TENT4A: variants seen among roughly 807,000 people sequenced by gnomAD.
The protein encoded by TENT4A is terminal nucleotidyltransferase 4A, also known as DNA polymerase kappa.
TENT4A carries 7 observed loss-of-function variants against 72.8 expected under a neutral mutation model. The observed-to-expected ratio is 0.10, with a 90% CI of 0.05 to 0.18. The LOEUF (loss-of-function observed/expected upper bound fraction) is 0.18, where lower values mean the gene tolerates loss of function less well. TENT4A is among the 10% of genes least tolerant of loss of function. The probability of loss-of-function intolerance (pLI) is 1.00; values close to 1 mark genes in which losing one functional copy is unlikely to be tolerated. For synonymous variants in TENT4A, 456 were observed against 434.3 expected (o/e 1.05, Z -0.62); for missense variants, 831 against 1,017.7 (o/e 0.82, Z 2.50).
chr5:6,718,114 TA>T (rs1435783595), intron 1 of TENT4A, among the ~76,000 whole-genome samples: 1 of 152,248 alleles, frequency 6.6e-6, no homozygotes, highest in Non-Finnish European at 1.5e-5. Flanking sequence ...TCTTGGTATT[TA>T]ATCTCATCCT....
At chr5:6,735,596 G>T (rs761392139) in intron 1 of TENT4A, among the ~76,000 whole-genome samples, 1 of 152,188 alleles carries the variant, frequency 6.6e-6, no homozygotes, top group African/African-American at 2.4e-5. Flanking sequence ...TGGTAGAAAA[G>T]TGTGTAGTTG....
chr5:6,732,046 C>T (rs575407961), intron 1 of TENT4A, among the ~76,000 whole-genome samples: 1 of 152,386 alleles, frequency 6.6e-6, no homozygotes, highest in East Asian at 1.9e-4. Context: ...AGTGCAGCTG[C>T]CTGTCCTTGG....
At chr5:6,746,999 G>T (rs1018554618) in intron 7 of TENT4A, among the ~76,000 whole-genome samples, 3 of 152,210 alleles carry the variant, frequency 2.0e-5, no homozygotes, top group Non-Finnish European at 2.9e-5. Flanking sequence ...GGCGTATTCA[G>T]GGGTATTTAT....
At chr5:6,723,998 G>A (rs997068359) in intron 1 of TENT4A, among the ~76,000 whole-genome samples, 1 of 152,232 alleles carries the variant, frequency 6.6e-6, no homozygotes, top group African/African-American at 2.4e-5. Flanking sequence ...TGAAAGACAA[G>A]GCAGGACTGG....
At chr5:6,742,624 C>G (rs190045354) in intron 5 of TENT4A, 27 bp downstream of exon 5, 36 of 1,384,256 alleles carry the variant, frequency 2.6e-5, no homozygotes, top group Admixed American at 3.3e-5. Context: ...CCCAGCGCGG[C>G]GAGAGTGCAG....
At chr5:6,727,163 T>G (rs1184008321) in intron 1 of TENT4A, among the ~76,000 whole-genome samples, 9 of 152,222 alleles carry the variant, frequency 5.9e-5, no homozygotes, top group Admixed American at 5.9e-4. Flanking sequence ...CTGGCTCCTG[T>G]GATCTTCCGT....
intron 5 of TENT4A, 58 bp downstream of exon 5, chr5:6,742,655 G>A: frequency 2.1e-6 from 2 of 965,654 alleles, no homozygotes; most frequent in Admixed American, 3.4e-5. Flanking sequence ...CTTGTGCTTG[G>A]TGGCATCCTA....
intron 1 of TENT4A, among the ~76,000 whole-genome samples, chr5:6,733,414 T>C (rs561288920): frequency 6.6e-6 from 1 of 152,400 alleles, no homozygotes; most frequent in African/African-American, 2.4e-5. Flanking sequence ...TGTGTCCTCC[T>C]GGTTCTGAGA....
intron 5 of TENT4A, among the ~76,000 whole-genome samples, chr5:6,743,224 C>G (rs183863957): frequency 2.6e-4 from 40 of 152,246 alleles, no homozygotes; most frequent in Admixed American, 1.6e-3. Context: ...CTTCAGGTTC[C>G]CCCTTCCCCC....
At chr5:6,728,068 TGGC>T (rs974348873) in intron 1 of TENT4A, among the ~76,000 whole-genome samples, 34 of 152,236 alleles carry the variant, frequency 2.2e-4, no homozygotes, top group African/African-American at 8.0e-4. Context: ...TCTGTCATCT[TGGC>T]GGGGGCCTCA....
At position 6,722,547 on chromosome 5, in the gene TENT4A, G is replaced by GTTTT. The variant is rs55840324; in HGVS notation, c.716+7866_716+7869dup. ...GTCTGTTCTAGTTTTGCATTTGTTA[G>GTTTT]TTTTTTTTTTTTTTTTTTTTTAACT... On this transcript the variant is annotated intron_variant, in intron 1 of 12. Coordinates refer to ENST00000230859, the MANE Select transcript of TENT4A (RefSeq NM_006999.6). Among the ~76,000 whole-genome samples, 570 of 123,198 alleles carry GTTTT rather than the reference G, an allele frequency of 4.6e-3. 7 individuals carry two copies. Among genetic ancestry groups the GTTTT allele is most frequent in the African/African-American group, 0.014 (454 of 31,904 alleles). 80.8% of individuals were successfully genotyped at this position (123,198 alleles called of 152,430 possible). A position where few individuals can be genotyped will look rare whatever the true frequency, so the allele number is the denominator to read the frequency against.
chr5:6,748,252 G>A lies in TENT4A; in HGVS notation c.1460-212G>A, dbSNP rs1742213035. On this transcript the variant is annotated intron_variant, in intron 7 of 12. Coordinates refer to ENST00000230859, the MANE Select transcript of TENT4A (RefSeq NM_006999.6). ...CAGACCAGTCCTCTCGGCACTCACA[G>A]ACTGTGCCCTGTGCATGGTGATTGA... Among the ~76,000 whole-genome samples the A allele has an allele frequency of 2.6e-5, 4 of 152,252 alleles. No individual in the cohort carries two copies. The South Asian group carries it at 8.3e-4, about 32-fold the overall frequency.
rs372057324 is a variant in TENT4A at position 6,752,853 on chromosome 5, G to T, written c.2020-20G>T. 50 of 1,604,446 alleles carry T rather than the reference G, an allele frequency of 3.1e-5. 1 individual carries two copies. In the South Asian group the frequency reaches 5.3e-4, roughly 17 times the overall value. The stretch of plus-strand genomic sequence containing the variant: ...TCTGATTGCTTTGGTACCCATGGCC[G>T]TCTCTCATTTTGTTCCTAGACCAGG... On this transcript the variant is annotated intron_variant, in intron 11 of 12. Coordinates refer to ENST00000230859, the MANE Select transcript of TENT4A (RefSeq NM_006999.6).
chr5:6,731,506 C>T (rs546617636), intron 1 of TENT4A, among the ~76,000 whole-genome samples: 12 of 151,376 alleles, frequency 7.9e-5, no homozygotes, highest in African/African-American at 2.9e-4. Flanking sequence ...CTTCAGAGTG[C>T]AGGTCCTCAT....
intron 3 of TENT4A, 41 bp from the exon 4 acceptor site, chr5:6,739,691 G>A (rs774556640): frequency 6.2e-7 from 1 of 1,610,974 alleles, no homozygotes; most frequent in Non-Finnish European, 8.5e-7. Flanking sequence ...TGTAGGCTGT[G>A]GCGAGGGGAG....
intron 1 of TENT4A, among the ~76,000 whole-genome samples, chr5:6,729,545 C>T (rs1485646218): frequency 1.3e-5 from 2 of 152,268 alleles, no homozygotes; most frequent in Non-Finnish European, 2.9e-5. Flanking sequence ...AGTTTCACAG[C>T]AGGCGCGGTT....
At chr5:6,732,039 G>A (rs556346005) in intron 1 of TENT4A, among the ~76,000 whole-genome samples, 2 of 152,344 alleles carry the variant, frequency 1.3e-5, no homozygotes, top group African/African-American at 4.8e-5. Flanking sequence ...CTACTGCAGT[G>A]CAGCTGCCTG....
Position 6,743,822 on chromosome 5 carries a change from G to A in TENT4A, c.1227G>A (p.Met409Ile). The change falls in exon 6 of 13, where the codon ATG becomes ATA. Residue 409 changes from methionine (M) to isoleucine (I), a missense_variant. By Grantham distance (10) the Met-to-Ile change is conservative. Transcript: ENST00000230859. ...GGISSYSLILMAISFLQLHPR... is the reference protein window; with the variant it reads ...GGISSYSLILIAISFLQLHPR... ...TTAGCTCATACAGCCTAATTTTAAT[G>A]GCCATTAGCTTTCTACAGGTATGTA... 6.2e-7 allele frequency: 1 copy of A among 1,613,896 alleles called. No individual in the cohort carries two copies. Among genetic ancestry groups the A allele is most frequent in the Non-Finnish European group, 8.5e-7 (1 of 1,179,886 alleles).
At chr5:6,747,393 T>C (rs1742162856) in intron 7 of TENT4A, among the ~76,000 whole-genome samples, 2 of 152,230 alleles carry the variant, frequency 1.3e-5, no homozygotes, top group East Asian at 3.8e-4. Flanking sequence ...GTTTTTTGCA[T>C]TTGTATTTTT....
Sources: allele counts gnomAD v4.1 joint callset (sites outside exome capture counted in the v4.1 genomes callset), GRCh38; gene constraint gnomAD v4.1.1; transcripts MANE v1.5; gene names NCBI Gene and HGNC (gene_info 2026-07-23, HGNC 2026-07-21).